The following EYS variants were observed in gnomAD, a reference collection of about 807,000 sequenced individuals.
The protein encoded by EYS is EGF-like photoreceptor maintenance factor.
EYS carries 250 observed loss-of-function variants against 282.1 expected under a neutral mutation model. The ratio of observed to expected loss-of-function variants is 0.89; its 90% CI spans 0.80 to 0.98. EYS has a LOEUF of 0.98. Ranked by LOEUF, EYS falls within the 50% of genes least tolerant of loss-of-function variation. The probability of loss-of-function intolerance (pLI) is 0.00; values close to 1 mark genes in which losing one functional copy is unlikely to be tolerated. For synonymous variants in EYS, 1,355 were observed against 1,282.9 expected (o/e 1.06, Z -1.20); for missense variants, 4,016 against 3,709.0 (o/e 1.08, Z -2.15).
At chr6:63,780,927 A>G (rs950720377) in intron 39 of EYS, among the ~76,000 whole-genome samples, 12 of 152,188 alleles carry the variant, frequency 7.9e-5, no homozygotes, top group African/African-American at 2.4e-4. Flanking sequence ...ATTTTTGTAT[A>G]AGGTGTAAGG....
At chr6:65,258,101 G>A (rs374385829) in intron 12 of EYS, among the ~76,000 whole-genome samples, 39 of 152,050 alleles carry the variant, frequency 2.6e-4, no homozygotes, top group Admixed American at 4.6e-4. Context: ...AAAACATTAC[G>A]TGTACCCTGT....
At chr6:64,213,331 T>A (rs1022169938) in intron 31 of EYS, among the ~76,000 whole-genome samples, 1 of 151,994 alleles carries the variant, frequency 6.6e-6, no homozygotes, top group Non-Finnish European at 1.5e-5. Flanking sequence ...ATAATCTGAG[T>A]CATGAGCTCA....
chr6:64,944,438 A>G (rs1439161972), intron 15 of EYS, among the ~76,000 whole-genome samples: 2 of 152,142 alleles, frequency 1.3e-5, no homozygotes, highest in African/African-American at 4.8e-5. Context: ...AACTGACAGA[A>G]TGGGAAAAAT....
intron 2 of EYS, among the ~76,000 whole-genome samples, chr6:65,540,906 C>T (rs1768146671): frequency 6.6e-6 from 1 of 152,090 alleles, no homozygotes; most frequent in African/African-American, 2.4e-5. Flanking sequence ...ACCTAGGCAA[C>T]AGTGCGAGAC....
rs1771006633 is a variant in EYS, at chr6:63,810,095, AAAAAAG to A, written c.7229-3729_7229-3724del. 1.1e-4 allele frequency among the ~76,000 whole-genome samples: 16 copies of A among 150,648 alleles called. No homozygotes were observed. In the South Asian group the frequency reaches 2.9e-3, roughly 28 times the overall value. On this transcript the variant is annotated intron_variant, in intron 36 of 42. Coordinates refer to ENST00000503581, the MANE Select transcript of EYS (RefSeq NM_001142800.2). ...CCTCTACTTTAAAAAAAAAAAAAAGAAAAAAGAAAAAGAAAATTAGCCGAGTGTGGT... is the reference window on the plus strand; with the variant it reads ...CCTCTACTTTAAAAAAAAAAAAAAGAAAAAAGAAAATTAGCCGAGTGTGGT...
intron 26 of EYS, among the ~76,000 whole-genome samples, chr6:64,532,467 T>C (rs1764378560): frequency 6.6e-6 from 1 of 152,062 alleles, no homozygotes; most frequent in Non-Finnish European, 1.5e-5. Flanking sequence ...CCCAGCACTT[T>C]GGGAGGCGGA....
Position 63,864,192 on chromosome 6 carries a change from T to G in EYS, c.7222A>C (p.Thr2408Pro). The G allele has an allele frequency of 1.3e-6, 2 of 1,531,584 alleles. No individual in the cohort carries two copies. The highest frequency in any genetic ancestry group is 1.8e-6 in the Non-Finnish European group (2 of 1,135,576). 94.9% of individuals were successfully genotyped at this position (1,531,584 alleles called of 1,614,324 possible). ...AATAATCAAATGCTCTTACCATCAG[T>G]GCAGAGGGGTCCAGACCTCCCATAT... ...CPYGRSGPLC[T>P]DAINITQPRF... Residue 2408 changes from threonine (T) to proline (P), a missense_variant, in exon 36 of 43, where the codon ACT becomes CCT. Physicochemically the swap from Thr to Pro is conservative, Grantham distance 38. Transcript: ENST00000503581.
At chr6:64,094,891 A>G (rs1223902898) in intron 31 of EYS, among the ~76,000 whole-genome samples, 1 of 151,978 alleles carries the variant, frequency 6.6e-6, no homozygotes, top group East Asian at 1.9e-4. Flanking sequence ...GTTCGCATTT[A>G]GTGCTATAAA....
intron 22 of EYS, among the ~76,000 whole-genome samples, chr6:64,720,557 T>G (rs1771544013): frequency 6.6e-6 from 1 of 152,168 alleles, no homozygotes; most frequent in Non-Finnish European, 1.5e-5. Flanking sequence ...TTCCAGCTAT[T>G]TCTCTTAAAT....
At chr6:63,944,568 C>T (rs1216345261) in intron 35 of EYS, among the ~76,000 whole-genome samples, 2 of 152,096 alleles carry the variant, frequency 1.3e-5, no homozygotes, top group Non-Finnish European at 2.9e-5. Context: ...ACACAGTTAT[C>T]ATTTTTGTGG....
At chr6:64,452,735 T>G (rs1479395100) in intron 26 of EYS, among the ~76,000 whole-genome samples, 2 of 151,970 alleles carry the variant, frequency 1.3e-5, no homozygotes, top group Admixed American at 6.6e-5. Flanking sequence ...CTTTGACAAA[T>G]CTGACAAAAA....
intron 19 of EYS, among the ~76,000 whole-genome samples, chr6:64,876,892 C>CT (rs1766766621): frequency 6.6e-6 from 1 of 152,134 alleles, no homozygotes; most frequent in South Asian, 2.1e-4. Context: ...GGAGTATGTG[C>CT]TTTGTTCAAG....
intron 29 of EYS, among the ~76,000 whole-genome samples, chr6:64,320,692 T>C (rs1201249136): frequency 1.4e-5 from 1 of 71,512 alleles, no homozygotes; most frequent in Non-Finnish European, 3.0e-5. Flanking sequence ...CTTTGAGTCA[T>C]TTTTATCCTA....
chr6:64,407,096 C>T (rs1487570236), intron 28 of EYS, among the ~76,000 whole-genome samples: 1 of 152,186 alleles, frequency 6.6e-6, no homozygotes, highest in Non-Finnish European at 1.5e-5. Flanking sequence ...GGCACATATA[C>T]ACCATGGAAT....
intron 26 of EYS, among the ~76,000 whole-genome samples, chr6:64,486,783 A>G (rs1383671996): frequency 1.3e-5 from 2 of 151,296 alleles, no homozygotes; most frequent in African/African-American, 2.4e-5. Context: ...CTTCACATAA[A>G]TCATCCAGGC....
intron 22 of EYS, among the ~76,000 whole-genome samples, chr6:64,769,877 A>T: frequency 6.6e-6 from 1 of 152,150 alleles, no homozygotes. Flanking sequence ...AAGAAGAGCT[A>T]AAGTGATTTT....
chr6:65,434,196 C>T (rs962740947), intron 5 of EYS, among the ~76,000 whole-genome samples: 4 of 151,990 alleles, frequency 2.6e-5, no homozygotes, highest in African/African-American at 7.3e-5. Flanking sequence ...TTGTTGAAGA[C>T]GTAAGTCATT....
intron 33 of EYS, among the ~76,000 whole-genome samples, chr6:64,062,549 A>C (rs1641816731): frequency 6.6e-6 from 1 of 152,170 alleles, no homozygotes; most frequent in Admixed American, 6.5e-5. Flanking sequence ...AAAATTAGCC[A>C]GGCGTGGTGG....
intron 12 of EYS, among the ~76,000 whole-genome samples, chr6:65,156,465 T>C (rs962922349): frequency 1.3e-5 from 2 of 151,166 alleles, no homozygotes; most frequent in Non-Finnish European, 1.5e-5. Context: ...TTCCTTCAGT[T>C]CCCTTTCCTC....
Sources: gnomAD v4.1 joint callset for allele counts (sites outside exome capture counted in the v4.1 genomes callset) on GRCh38, gnomAD v4.1.1 for gene constraint, MANE v1.5 for transcripts, NCBI Gene and HGNC (gene_info 2026-07-23, HGNC 2026-07-21) for gene names.